Variants in TRAK1 observed in about 807,000 individuals in gnomAD.
TRAK1 encodes the protein trafficking kinesin-binding protein 1.
In TRAK1, 33 loss-of-function variants were observed where a neutral mutation model predicts 92.1. That is an observed-to-expected ratio of 0.36 (90% CI 0.27 to 0.48). TRAK1 has a LOEUF of 0.48. Ranked by LOEUF, TRAK1 falls within the 20% of genes least tolerant of loss-of-function variation. The probability of loss-of-function intolerance (pLI) is 0.99; values close to 1 mark genes in which losing one functional copy is unlikely to be tolerated. For synonymous variants in TRAK1, 521 were observed against 517.3 expected (o/e 1.01, Z -0.10); for missense variants, 1,123 against 1,257.9 (o/e 0.89, Z 1.62).
At chr3:42,175,976 T>C (rs1052863004) in intron 2 of TRAK1, among the ~76,000 whole-genome samples, 1 of 152,244 alleles carries the variant, frequency 6.6e-6, no homozygotes, top group Admixed American at 6.5e-5. Flanking sequence ...AAACTTACGC[T>C]ACCTTCTTGG....
At chr3:42,215,683 G>A (rs1485209574) in intron 14 of TRAK1, among the ~76,000 whole-genome samples, 1 of 152,200 alleles carries the variant, frequency 6.6e-6, no homozygotes, top group Non-Finnish European at 1.5e-5. Context: ...AACATGGAAG[G>A]CCCTCAGTGC....
intron 1 of TRAK1, among the ~76,000 whole-genome samples, chr3:42,123,245 T>C (rs1326303585): frequency 1.3e-5 from 2 of 152,200 alleles, no homozygotes; most frequent in African/African-American, 4.8e-5. Flanking sequence ...TGACACAAAG[T>C]CTCTGGCATT....
intron 1 of TRAK1, among the ~76,000 whole-genome samples, chr3:42,094,995 T>C (rs143790708): frequency 1.3e-5 from 2 of 152,324 alleles, no homozygotes; most frequent in Non-Finnish European, 2.9e-5. Context: ...TCCACTTCAC[T>C]CACAGTAAGG....
intron 2 of TRAK1, among the ~76,000 whole-genome samples, chr3:42,150,855 G>A (rs1699875897): frequency 6.6e-6 from 1 of 152,154 alleles, no homozygotes; most frequent in South Asian, 2.1e-4. Context: ...AGGATTGGAG[G>A]CAGTTCCCAG....
intron 1 of TRAK1, among the ~76,000 whole-genome samples, chr3:42,017,664 ATGT>A (rs756620127): frequency 3.9e-5 from 6 of 152,182 alleles, no homozygotes; most frequent in Non-Finnish European, 8.8e-5. Context: ...AATACCAATG[ATGT>A]TGAGCTGCTT....
rs1279507717 is a variant in TRAK1 at position 42,210,329 on chromosome 3, G to A, written c.1963+344G>A. On this transcript the variant is annotated intron_variant, in intron 14 of 15. Coordinates refer to ENST00000327628, the MANE Select transcript of TRAK1 (RefSeq NM_001042646.3). Reference sequence around the variant, plus strand: ...CTGATGCCTCCTATTTGTAACAATGGGTGTAGCTCCCCTGCCCATCTTGGA... The same window carrying A: ...CTGATGCCTCCTATTTGTAACAATGAGTGTAGCTCCCCTGCCCATCTTGGA... The A allele has an allele frequency of 3.4e-6, 5 of 1,489,158 alleles. No homozygotes were observed. The East Asian group carries it at 9.2e-5, about 27-fold the overall frequency. 92.2% of individuals were successfully genotyped at this position (1,489,158 alleles called of 1,614,324 possible).
chr3:42,193,741 A>G, intron 8 of TRAK1, 83 bp from the exon 9 acceptor site: 2 of 1,369,270 alleles, frequency 1.5e-6, no homozygotes, highest in Non-Finnish European at 2.1e-6. Context: ...TGATGAGTTC[A>G]TTACAGATTA....
chr3:42,206,852 C>T (rs1708386750), intron 13 of TRAK1, among the ~76,000 whole-genome samples: 1 of 152,184 alleles, frequency 6.6e-6, no homozygotes, highest in Admixed American at 6.5e-5. Context: ...CCTTTGTAGC[C>T]TCATTTCTTT....
chr3:42,138,528 C>T (rs536928939), intron 2 of TRAK1, among the ~76,000 whole-genome samples: 4 of 151,948 alleles, frequency 2.6e-5, no homozygotes, highest in South Asian at 2.1e-4. Flanking sequence ...ATAACAAGAT[C>T]GTTTTATTTG....
chr3:42,075,411 G>GGCTCAAGT (rs1297275632), intron 1 of TRAK1, among the ~76,000 whole-genome samples: 2 of 151,440 alleles, frequency 1.3e-5, no homozygotes, highest in Non-Finnish European at 2.9e-5. Flanking sequence ...TGAACTCCTG[G>GGCTCAAGT]GCTCAAGTGC....
At chr3:42,137,564 C>T (rs921455607) in intron 2 of TRAK1, among the ~76,000 whole-genome samples, 4 of 152,110 alleles carry the variant, frequency 2.6e-5, no homozygotes, top group Non-Finnish European at 5.9e-5. Context: ...TGGGTTTTTT[C>T]CCTTAAACTC....
chr3:42,042,988 A>G (rs1702608688), intron 1 of TRAK1, among the ~76,000 whole-genome samples: 1 of 152,094 alleles, frequency 6.6e-6, no homozygotes, highest in Non-Finnish European at 1.5e-5. Flanking sequence ...TTACCAAAGG[A>G]CGTTGGCCTC....
At chr3:42,059,553 C>T (rs2148923616) in intron 1 of TRAK1, among the ~76,000 whole-genome samples, 1 of 152,230 alleles carries the variant, frequency 6.6e-6, no homozygotes, top group Non-Finnish European at 1.5e-5. Context: ...GATTTCCTTT[C>T]TTCCTCGTGG....
intron 1 of TRAK1, among the ~76,000 whole-genome samples, chr3:42,018,126 G>A (rs1478209275): frequency 6.6e-6 from 1 of 150,584 alleles, no homozygotes; most frequent in Non-Finnish European, 1.5e-5. Context: ...AAATTAGTCA[G>A]GTGTGGTGAT....
intron 1 of TRAK1, among the ~76,000 whole-genome samples, chr3:42,069,550 CACTTTT>C (rs1331353294): frequency 7.2e-5 from 11 of 152,096 alleles, no homozygotes; most frequent in Admixed American, 5.9e-4. Flanking sequence ...TTACATGTCT[CACTTTT>C]ATTTAAATAG....
At position 42,223,782 on chromosome 3, in the gene TRAK1, C is replaced by T. The variant is rs779093794; in HGVS notation, c.*45C>T. 5.0e-6 allele frequency: 6 copies of T among 1,194,150 alleles called. No homozygotes were observed. In the African/African-American group the frequency reaches 6.4e-5, roughly 13 times the overall value. The allele number at this position is 1,194,150 out of a possible 1,614,324, so 74.0% of individuals were successfully genotyped here. A position where few individuals can be genotyped will look rare whatever the true frequency, so the allele number is the denominator to read the frequency against. On this transcript the variant is annotated 3_prime_UTR_variant, in exon 16 of 16. Transcript: ENST00000327628. This position sits in a 1 kb window ranked among gnomAD's most constrained non-coding sequence, Gnocchi z 6.1. ...TGCCCTAGAGGAGACCCACGTTCTCCTCTCTTGCTCCCACCTCCCTCTCTT... is the reference window on the plus strand; with the variant it reads ...TGCCCTAGAGGAGACCCACGTTCTCTTCTCTTGCTCCCACCTCCCTCTCTT...
chr3:42,039,136 C>T (rs1344331328), intron 1 of TRAK1, among the ~76,000 whole-genome samples: 2 of 152,126 alleles, frequency 1.3e-5, no homozygotes, highest in African/African-American at 4.8e-5. Context: ...TTTTCTGTCC[C>T]TGGATATGCC....
intron 1 of TRAK1, among the ~76,000 whole-genome samples, chr3:42,080,422 C>A (rs1704377038): frequency 6.6e-6 from 1 of 152,178 alleles, no homozygotes; most frequent in African/African-American, 2.4e-5. Context: ...GAATTTCTCA[C>A]TCCTCTGCTA....
chr3:42,118,066 C>T (rs1709395571), intron 1 of TRAK1, among the ~76,000 whole-genome samples: 2 of 152,016 alleles, frequency 1.3e-5, no homozygotes, highest in African/African-American at 2.4e-5. Context: ...GATCCGCCCA[C>T]CTTGGCCTCC....
Sources: gnomAD v4.1 joint callset for allele counts (sites outside exome capture counted in the v4.1 genomes callset) on GRCh38, gnomAD v4.1.1 for gene constraint, Gnocchi (gnomAD v3.1) non-coding constraint, MANE v1.5 for transcripts, NCBI Gene and HGNC (gene_info 2026-07-23, HGNC 2026-07-21) for gene names.